The following XIRP2 variants were observed in gnomAD, a reference collection of about 807,000 sequenced individuals.
XIRP2 encodes the protein xin actin binding repeat containing 2.
XIRP2 carries 236 observed loss-of-function variants against 277.0 expected under a neutral mutation model. That is an observed-to-expected ratio of 0.85 (90% CI 0.77 to 0.95). XIRP2 has a LOEUF of 0.95. XIRP2 is among the 40% of genes least tolerant of loss of function. XIRP2 has a pLI of 0.00. For missense variants in XIRP2, 4,640 were observed against 4,157.5 expected (o/e 1.12, Z -3.19); for synonymous variants, 1,490 against 1,416.5 (o/e 1.05, Z -1.17).
chr2:167,182,722 G>A (rs1480682341), intron 3 of XIRP2, among the ~76,000 whole-genome samples: 2 of 152,056 alleles, frequency 1.3e-5, no homozygotes, highest in Non-Finnish European at 2.9e-5. Flanking sequence ...TCTTGGGGTT[G>A]CTGACAGAAT....
At chr2:166,984,610 A>G (rs1686954147) in intron 2 of XIRP2, among the ~76,000 whole-genome samples, 2 of 152,234 alleles carry the variant, frequency 1.3e-5, no homozygotes, top group African/African-American at 2.4e-5. Context: ...ATACCTGAGC[A>G]TCAGAAACAT....
intron 3 of XIRP2, among the ~76,000 whole-genome samples, chr2:167,185,889 T>C (rs1306087266): frequency 8.5e-5 from 13 of 152,192 alleles, no homozygotes; most frequent in Admixed American, 7.2e-4. Context: ...TCCCATTTAG[T>C]CACAGATGAA....
chr2:167,240,552 T>C (rs982002341), intron 6 of XIRP2, 112 bp from the exon 7 acceptor site: 4 of 850,242 alleles, frequency 4.7e-6, no homozygotes, highest in Non-Finnish European at 7.8e-6. Flanking sequence ...CATCTCTCAA[T>C]GTACACTAAA....
intron 2 of XIRP2, among the ~76,000 whole-genome samples, chr2:166,983,314 G>A (rs1052103634): frequency 1.3e-5 from 2 of 151,746 alleles, no homozygotes; most frequent in Non-Finnish European, 2.9e-5. Context: ...TGATTGTTTT[G>A]ATAGATTATA....
At chr2:167,191,235 A>T (rs991407183) in intron 3 of XIRP2, among the ~76,000 whole-genome samples, 7 of 151,790 alleles carry the variant, frequency 4.6e-5, no homozygotes, top group Admixed American at 6.6e-5. Flanking sequence ...AGAAAAGAAA[A>T]GAAAAGACAT....
At chr2:166,947,948 G>T (rs1217974630) in intron 2 of XIRP2, among the ~76,000 whole-genome samples, 1 of 152,076 alleles carries the variant, frequency 6.6e-6, no homozygotes, top group Non-Finnish European at 1.5e-5. Flanking sequence ...ATCAAACTAT[G>T]AAAGACATAT....
chr2:167,020,177 A>G (rs888823151), intron 2 of XIRP2, among the ~76,000 whole-genome samples: 1 of 152,060 alleles, frequency 6.6e-6, no homozygotes, highest in Non-Finnish European at 1.5e-5. Context: ...AGAAACCAGG[A>G]TTAAAGAACA....
At chr2:166,958,251 T>C (rs967232048) in intron 2 of XIRP2, among the ~76,000 whole-genome samples, 2 of 151,904 alleles carry the variant, frequency 1.3e-5, no homozygotes, top group Admixed American at 6.6e-5. Context: ...ATTAAAATGC[T>C]TGGAAAATAG....
In XIRP2 at chr2:167,171,119, C is replaced by T. The variant is rs569589747; in HGVS notation, c.562+35057C>T. ...TTTGCCATGTTGGCCAGGCTGGTCT[C>T]GAACTCCTGACCTCAGGTGATCTGT... On this transcript the variant is annotated intron_variant, in intron 3 of 10. Transcript: ENST00000409195. 2.6e-5 allele frequency among the ~76,000 whole-genome samples: 4 copies of T among 152,012 alleles called. No homozygotes were observed. In the South Asian group the frequency reaches 8.3e-4, roughly 32 times the overall value.
At chr2:166,897,802 A>C (rs1684281396) in intron 1 of XIRP2, among the ~76,000 whole-genome samples, 1 of 152,082 alleles carries the variant, frequency 6.6e-6, no homozygotes, top group Non-Finnish European at 1.5e-5. Flanking sequence ...GGCCAAGCAG[A>C]TAATCAGCAG....
intron 2 of XIRP2, among the ~76,000 whole-genome samples, chr2:167,097,354 C>T (rs1690352719): frequency 6.7e-6 from 1 of 149,128 alleles, no homozygotes; most frequent in South Asian, 2.2e-4. Context: ...TTATCAGAGA[C>T]TAGGATTGCA....
intron 2 of XIRP2, among the ~76,000 whole-genome samples, chr2:166,953,199 C>T (rs1156386911): frequency 1.3e-5 from 2 of 151,846 alleles, no homozygotes; most frequent in Non-Finnish European, 2.9e-5. Flanking sequence ...TTGTAGAGCC[C>T]AGGATACCAC....
At chr2:167,144,545 TTTTG>T (rs1691812740) in intron 3 of XIRP2, among the ~76,000 whole-genome samples, 1 of 152,092 alleles carries the variant, frequency 6.6e-6, no homozygotes, top group South Asian at 2.1e-4. Context: ...CTGTTAATTG[TTTTG>T]TTTAATATTT....
At chr2:167,183,244 C>T (rs567634119) in intron 3 of XIRP2, among the ~76,000 whole-genome samples, 1 of 152,166 alleles carries the variant, frequency 6.6e-6, no homozygotes, top group Non-Finnish European at 1.5e-5. Flanking sequence ...AGCAACTGTA[C>T]TAGAAGGCAA....
chr2:166,966,639 G>A (rs927966617), intron 2 of XIRP2, among the ~76,000 whole-genome samples: 20 of 151,730 alleles, frequency 1.3e-4, no homozygotes, highest in African/African-American at 4.8e-4. Flanking sequence ...TCTACTTTTA[G>A]CCAATCTCTT....
intron 2 of XIRP2, among the ~76,000 whole-genome samples, chr2:166,980,569 A>G (rs1574133815): frequency 6.6e-6 from 1 of 152,070 alleles, no homozygotes; most frequent in Admixed American, 6.5e-5. Flanking sequence ...GGCACCCGCC[A>G]CCACGTCTGG....
At position 167,135,972 on chromosome 2, in the gene XIRP2, G is replaced by A. The variant is rs114147582; in HGVS notation, c.472G>A (p.Glu158Lys). 31,878 of 1,611,940 alleles carry A rather than the reference G, an allele frequency of 0.02. 471 individuals carry two copies. The highest frequency in any genetic ancestry group is 0.049 in the South Asian group (4,445 of 90,772). Reference protein sequence around the residue: ...AFKSHPGSQLEDSVKDSDKKG... With the variant: ...AFKSHPGSQLKDSVKDSDKKG... ...TAAGAGTCACCCTGGGAGCCAGCTG[G>A]AGGATTCTGTGAAAGATTCAGACAA... The change falls in exon 3 of 11, where the codon GAG becomes AAG. Residue 158 changes from glutamate to lysine, a missense_variant. Coordinates refer to ENST00000409195, the MANE Select transcript of XIRP2 (RefSeq NM_152381.6).
At chr2:167,198,249 T>C (rs1388939118) in intron 3 of XIRP2, among the ~76,000 whole-genome samples, 2 of 152,176 alleles carry the variant, frequency 1.3e-5, no homozygotes, top group African/African-American at 4.8e-5. Flanking sequence ...ACGTGCTGCA[T>C]TTATAGGCAA....
chr2:167,241,967 T>G (rs946401836), intron 8 of XIRP2, 57 bp downstream of exon 8: 30 of 1,485,466 alleles, frequency 2.0e-5, no homozygotes, highest in Non-Finnish European at 2.4e-5. Flanking sequence ...CTTAAATGTG[T>G]AACATTTTCA....
Sources: allele counts gnomAD v4.1 joint callset (sites outside exome capture counted in the v4.1 genomes callset), GRCh38; gene constraint gnomAD v4.1.1; transcripts MANE v1.5; gene names NCBI Gene and HGNC (gene_info 2026-07-23, HGNC 2026-07-21).